The following GPD2 variants were observed in gnomAD, a reference collection of about 807,000 sequenced individuals.
GPD2 encodes glycerol-3-phosphate dehydrogenase 2.
A neutral mutation model predicts 82.4 loss-of-function variants in GPD2; 54 were observed. The observed-to-expected ratio is 0.66, with a 90% CI of 0.53 to 0.82. GPD2 has a LOEUF of 0.82. Among genes scored for constraint, GPD2 ranks in the 40% least tolerant of loss-of-function variants. The pLI is 0.00. For synonymous variants in GPD2, 288 were observed against 306.1 expected (o/e 0.94, Z 0.62); for missense variants, 748 against 896.2 (o/e 0.83, Z 2.11).
chr2:156,568,569 T>C (rs1473717244), intron 9 of GPD2, among the ~76,000 whole-genome samples: 1 of 152,220 alleles, frequency 6.6e-6, no homozygotes, highest in African/African-American at 2.4e-5. Context: ...CCTCTTTTGC[T>C]TCCTCTGTGG....
chr2:156,403,734 G>A, the GPD2 span, among the ~76,000 whole-genome samples: 1 of 151,964 alleles, frequency 6.6e-6, no homozygotes, highest in Non-Finnish European at 1.5e-5. Flanking sequence ...ATTTGTGTTA[G>A]GTTAACTTGC....
At chr2:156,495,176 C>T (rs297582) in intron 2 of GPD2, among the ~76,000 whole-genome samples, 48,429 of 151,946 alleles carry the variant, frequency 0.32, 9,204 homozygotes, top group Non-Finnish European at 0.44. Context: ...TGGTGAAACC[C>T]CATCTCTTCA....
chr2:156,442,752 T>C (rs1447723716), intron 1 of GPD2, among the ~76,000 whole-genome samples: 19 of 152,148 alleles, frequency 1.2e-4, no homozygotes, highest in Admixed American at 1.2e-3. Context: ...TGAGCCATGA[T>C]TGCATTACTG....
At chr2:156,483,633 T>G (rs1257660277) in intron 2 of GPD2, among the ~76,000 whole-genome samples, 2 of 152,236 alleles carry the variant, frequency 1.3e-5, no homozygotes, top group African/African-American at 4.8e-5. Context: ...GAAGTTCAAA[T>G]GAGTATTTGT....
intron 6 of GPD2, among the ~76,000 whole-genome samples, chr2:156,540,110 A>G (rs1407278568): frequency 6.6e-6 from 1 of 152,196 alleles, no homozygotes; most frequent in East Asian, 1.9e-4. Flanking sequence ...ACAGAGACCT[A>G]GCTTGAAAAA....
intron 6 of GPD2, among the ~76,000 whole-genome samples, chr2:156,521,169 G>T (rs1441284236): frequency 6.6e-6 from 1 of 152,112 alleles, no homozygotes; most frequent in Non-Finnish European, 1.5e-5. Context: ...TCACATAATG[G>T]AGTAAAACAC....
At chr2:156,510,731 G>A in intron 3 of GPD2, 65 bp from the exon 4 acceptor site, 1 of 1,330,022 alleles carries the variant, frequency 7.5e-7, no homozygotes. Flanking sequence ...CTGGAGAAGT[G>A]CCTTTAATGA....
At chr2:156,518,583 C>G (rs149552935) in intron 6 of GPD2, among the ~76,000 whole-genome samples, 1 of 152,014 alleles carries the variant, frequency 6.6e-6, no homozygotes, top group Non-Finnish European at 1.5e-5. Context: ...AAAGAAAGCC[C>G]GGGTTAAAGA....
intron 7 of GPD2, 98 bp from the exon 8 acceptor site, chr2:156,550,504 T>C (rs754155963): frequency 7.9e-7 from 1 of 1,257,898 alleles, no homozygotes; most frequent in Non-Finnish European, 1.2e-6. Context: ...TGCAGTATAC[T>C]TCACCATGGG....
intron 1 of GPD2, among the ~76,000 whole-genome samples, chr2:156,474,993 A>G (rs915146389): frequency 2.6e-5 from 4 of 151,942 alleles, no homozygotes; most frequent in Admixed American, 2.6e-4. Context: ...GCATGGCGGC[A>G]TGCACTTGGT....
the GPD2 span, among the ~76,000 whole-genome samples, chr2:156,425,820 C>T: frequency 9.9e-5 from 15 of 152,128 alleles, 1 homozygote; most frequent in South Asian, 2.7e-3. Context: ...GAAATCTGAC[C>T]GAACATATAT....
intron 1 of GPD2, among the ~76,000 whole-genome samples, chr2:156,447,292 C>T (rs1245887049): frequency 6.6e-6 from 1 of 152,084 alleles, no homozygotes; most frequent in Admixed American, 6.5e-5. Context: ...CTTCCATTCC[C>T]TCCACAACTG....
the GPD2 span, among the ~76,000 whole-genome samples, chr2:156,401,697 G>A: frequency 5.3e-5 from 8 of 152,120 alleles, no homozygotes; most frequent in Admixed American, 6.5e-5. Flanking sequence ...ATTTGCATAG[G>A]GAACTTGAAA....
intron 1 of GPD2, among the ~76,000 whole-genome samples, chr2:156,456,339 C>T (rs781023717): frequency 2.1e-4 from 32 of 152,168 alleles, no homozygotes; most frequent in Admixed American, 5.2e-4. Context: ...CGCGGTGGCT[C>T]ACATCTATAA....
At chr2:156,575,589 G>A (rs1687790947) in intron 13 of GPD2, among the ~76,000 whole-genome samples, 1 of 151,218 alleles carries the variant, frequency 6.6e-6, no homozygotes, top group Non-Finnish European at 1.5e-5. Context: ...TTTTTTTTGT[G>A]GAGACAGGGT....
At chr2:156,516,113 A>C (rs544088005) in intron 6 of GPD2, among the ~76,000 whole-genome samples, 7 of 152,350 alleles carry the variant, frequency 4.6e-5, no homozygotes, top group African/African-American at 1.7e-4. Context: ...AAAATATTTC[A>C]ATGTGAACTT....
chr2:156,431,871 C>T (rs1573861280), upstream of GPD2, among the ~76,000 whole-genome samples: 1 of 144,376 alleles, frequency 6.9e-6, no homozygotes, highest in South Asian at 2.2e-4. Flanking sequence ...TACGTGTCTG[C>T]GTGTCTGTGA....
At chr2:156,492,274 C>T (rs969177981) in intron 2 of GPD2, among the ~76,000 whole-genome samples, 2 of 149,376 alleles carry the variant, frequency 1.3e-5, no homozygotes, top group Non-Finnish European at 3.0e-5. Flanking sequence ...CTATCTCAGC[C>T]TCCTGAGTAG....
chr2:156,439,890 T>G (rs1218313003), intron 1 of GPD2, among the ~76,000 whole-genome samples: 1 of 111,450 alleles, frequency 9.0e-6, no homozygotes. Flanking sequence ...TCAGATGGCC[T>G]GCCAGTTATT....
Sources: allele counts gnomAD v4.1 joint callset (sites outside exome capture counted in the v4.1 genomes callset), GRCh38; gene constraint gnomAD v4.1.1; transcripts MANE v1.5; gene names NCBI Gene and HGNC (gene_info 2026-07-23, HGNC 2026-07-21).